ARHGAP28: variants seen among roughly 807,000 people sequenced by gnomAD.
The protein encoded by ARHGAP28 is rho GTPase-activating protein 28.
ARHGAP28 carries 56 observed loss-of-function variants against 90.7 expected under a neutral mutation model. That is an observed-to-expected ratio of 0.62 (90% CI 0.50 to 0.77). The LOEUF (loss-of-function observed/expected upper bound fraction) is 0.77, where lower values mean the gene tolerates loss of function less well. Ranked by LOEUF, ARHGAP28 falls within the 30% of genes least tolerant of loss-of-function variation. ARHGAP28 has a pLI of 0.00. For missense variants in ARHGAP28, 869 were observed against 900.9 expected (o/e 0.96, Z 0.45); for synonymous variants, 308 against 323.3 (o/e 0.95, Z 0.51).
At chr18:6,885,273 A>G (rs2057211219) in intron 11 of ARHGAP28, among the ~76,000 whole-genome samples, 1 of 152,218 alleles carries the variant, frequency 6.6e-6, no homozygotes, top group Admixed American at 6.5e-5. Context: ...CAGGAAACCC[A>G]GAGTTCTGGC....
chr18:6,730,237 A>ATATATATATATATATATAT (rs1555621928), intron 1 of ARHGAP28: 1 of 193,338 alleles, frequency 5.2e-6, no homozygotes, highest in Non-Finnish European at 1.0e-5. Context: ...ATATATATAT[A>ATATATATATATATATATAT]CCTCATTTCG....
chr18:6,825,017 C>G (rs1158281659), intron 2 of ARHGAP28, 53 bp downstream of exon 2: 8 of 1,413,414 alleles, frequency 5.7e-6, no homozygotes, highest in Admixed American at 4.8e-5. Flanking sequence ...TTTCTCTGCC[C>G]TCTGTTACTC....
intron 1 of ARHGAP28, among the ~76,000 whole-genome samples, chr18:6,814,732 A>G (rs1264057698): frequency 6.6e-6 from 1 of 152,224 alleles, no homozygotes. Flanking sequence ...ATCAAAATAT[A>G]TACTGCAATT....
At chr18:6,748,471 T>A (rs1367316354) in intron 1 of ARHGAP28, among the ~76,000 whole-genome samples, 1 of 152,120 alleles carries the variant, frequency 6.6e-6, no homozygotes, top group Non-Finnish European at 1.5e-5. Flanking sequence ...CTGCCATCTG[T>A]GTTGTCTCCT....
intron 1 of ARHGAP28, among the ~76,000 whole-genome samples, chr18:6,736,880 C>T (rs536760586): frequency 2.6e-5 from 4 of 152,090 alleles, no homozygotes; most frequent in South Asian, 4.1e-4. Context: ...TATCTTTGTA[C>T]CTGATGGAAA....
intron 7 of ARHGAP28, among the ~76,000 whole-genome samples, chr18:6,871,963 A>G (rs1169545618): frequency 1.3e-5 from 2 of 152,172 alleles, no homozygotes; most frequent in Non-Finnish European, 2.9e-5. Context: ...TAACATGTCC[A>G]AAGTCTGCAG....
intron 16 of ARHGAP28, among the ~76,000 whole-genome samples, chr18:6,899,057 A>G (rs541328790): frequency 6.6e-6 from 1 of 152,292 alleles, no homozygotes; most frequent in South Asian, 2.1e-4. Flanking sequence ...AATAATAATA[A>G]TTACAAAAAA....
chr18:6,796,620 T>C (rs533099533), intron 1 of ARHGAP28, among the ~76,000 whole-genome samples: 1 of 152,304 alleles, frequency 6.6e-6, no homozygotes, highest in Non-Finnish European at 1.5e-5. Context: ...CTCTCTTTTC[T>C]TTCCTCTCTG....
intron 7 of ARHGAP28, among the ~76,000 whole-genome samples, chr18:6,871,090 G>A (rs996698365): frequency 2.0e-5 from 3 of 152,202 alleles, no homozygotes; most frequent in Non-Finnish European, 4.4e-5. Context: ...GTGAGCCGCC[G>A]TGCATGGCCA....
At chr18:6,846,068 G>T (rs984876414) in intron 3 of ARHGAP28, among the ~76,000 whole-genome samples, 12 of 152,276 alleles carry the variant, frequency 7.9e-5, no homozygotes, top group African/African-American at 2.4e-4. Context: ...TTTTGAAATG[G>T]TGCATCGTGA....
At chr18:6,900,721 G>T (rs2057334064) in intron 16 of ARHGAP28, among the ~76,000 whole-genome samples, 1 of 152,058 alleles carries the variant, frequency 6.6e-6, no homozygotes, top group Admixed American at 6.6e-5. Flanking sequence ...GTCCCAAAAG[G>T]AAAGGAAATA....
At chr18:6,764,551 A>G (rs542689039) in intron 1 of ARHGAP28, among the ~76,000 whole-genome samples, 39 of 152,244 alleles carry the variant, frequency 2.6e-4, no homozygotes, top group African/African-American at 8.9e-4. Context: ...GTTGGCCCTG[A>G]CATTGTTGTA....
chr18:6,883,117 G>GGACACACCCCATC (rs1164265845), intron 11 of ARHGAP28, among the ~76,000 whole-genome samples: 10 of 152,098 alleles, frequency 6.6e-5, no homozygotes, highest in Admixed American at 2.6e-4. Flanking sequence ...CAAACTGAGA[G>GGACACACCCCATC]GACACACCCC....
At position 6,826,807 on chromosome 18, in the gene ARHGAP28, TGGTTTTCCTAGGCAGAGGACCCTGC is replaced by T. The variant is rs2056667707; in HGVS notation, c.325+1846_325+1870del. 4.6e-5 allele frequency among the ~76,000 whole-genome samples: 7 copies of T among 151,702 alleles called. 1 individual carries two copies. The South Asian group carries it at 1.3e-3, about 27-fold the overall frequency. On this transcript the variant is annotated intron_variant, in intron 2 of 17. Transcript: ENST00000383472. Reference sequence around the variant, plus strand: ...AGATAAACAAGTGAACAAAGGTCTCTGGTTTTCCTAGGCAGAGGACCCTGCGGCCTTCCGCAGTGTTTGTGTCCCT... The same window carrying T: ...AGATAAACAAGTGAACAAAGGTCTCTGGCCTTCCGCAGTGTTTGTGTCCCT...
chr18:6,853,234 C>A (rs1179035893), intron 4 of ARHGAP28, among the ~76,000 whole-genome samples: 1 of 152,134 alleles, frequency 6.6e-6, no homozygotes, highest in East Asian at 1.9e-4. Flanking sequence ...CAAGGGTATT[C>A]CAGAGCTATC....
At chr18:6,897,387 A>C (rs377396556) in intron 16 of ARHGAP28, 199 of 152,350 alleles carry the variant, frequency 1.3e-3, no homozygotes, top group African/African-American at 4.6e-3. Context: ...AAACATACTA[A>C]TAATAATTCT....
At chr18:6,758,281 T>C (rs973367849) in intron 1 of ARHGAP28, among the ~76,000 whole-genome samples, 12 of 151,606 alleles carry the variant, frequency 7.9e-5, no homozygotes, top group African/African-American at 2.7e-4. Context: ...TAACTAAGAC[T>C]GTCCTTTTTT....
intron 16 of ARHGAP28, among the ~76,000 whole-genome samples, chr18:6,899,846 C>CT (rs1486399634): frequency 2.0e-5 from 3 of 152,110 alleles, no homozygotes; most frequent in Non-Finnish European, 4.4e-5. Flanking sequence ...CCCTGGTGCC[C>CT]TTACTAGTAC....
intron 1 of ARHGAP28, among the ~76,000 whole-genome samples, chr18:6,783,254 T>C (rs1237301209): frequency 1.3e-5 from 2 of 152,126 alleles, no homozygotes; most frequent in Admixed American, 6.6e-5. Flanking sequence ...TTTTTTTCCA[T>C]GTCGCCCCCC....
Sources: allele counts gnomAD v4.1 joint callset (sites outside exome capture counted in the v4.1 genomes callset), GRCh38; gene constraint gnomAD v4.1.1; transcripts MANE v1.5; gene names NCBI Gene and HGNC (gene_info 2026-07-23, HGNC 2026-07-21).